Variants in GPR137B observed in about 807,000 individuals in gnomAD.
GPR137B encodes integral membrane protein GPR137B.
A neutral mutation model predicts 42.5 loss-of-function variants in GPR137B; 42 were observed. The observed-to-expected ratio is 0.99, with a 90% CI of 0.77 to 1.28. The LOEUF (loss-of-function observed/expected upper bound fraction) is 1.28, where lower values mean the gene tolerates loss of function less well. Among genes scored for constraint, GPR137B ranks in the 50% most tolerant of loss-of-function variants. The pLI, the probability that GPR137B is intolerant of heterozygous loss-of-function variation, is 0.00. For missense variants in GPR137B, 487 were observed against 493.9 expected (o/e 0.99, Z 0.13); for synonymous variants, 218 against 209.7 (o/e 1.04, Z -0.34).
At position 236,155,793 on chromosome 1, in the gene GPR137B, A is replaced by C. The variant is rs1662006226; in HGVS notation, c.414+12757A>C. 2.0e-5 allele frequency among the ~76,000 whole-genome samples: 3 copies of C among 152,152 alleles called. No individual in the cohort carries two copies. The South Asian group carries it at 6.2e-4, about 32-fold the overall frequency. ...AGAAGAGGAGCTGTTGGGAAGGGGG[A>C]CAGTGAGTGGAGATGCCCTTTATCT... On this transcript the variant is annotated intron_variant, in intron 1 of 6. Coordinates refer to ENST00000366592, the MANE Select transcript of GPR137B (RefSeq NM_003272.4). The surrounding 1 kb of genome is among the most constrained non-coding windows in gnomAD (Gnocchi z 4.6).
chr1:236,158,284 G>A (rs971050659), intron 1 of GPR137B, among the ~76,000 whole-genome samples: 2 of 152,200 alleles, frequency 1.3e-5, no homozygotes, highest in Admixed American at 6.5e-5. Context: ...GATTTGCCGG[G>A]TGTGGTTGCA....
intron 5 of GPR137B, among the ~76,000 whole-genome samples, chr1:236,196,807 G>A (rs1475805408): frequency 1.3e-5 from 2 of 152,144 alleles, no homozygotes; most frequent in African/African-American, 4.8e-5. Flanking sequence ...TTATGGCTGA[G>A]TAGTAGTCCA....
chr1:236,196,092 A>C (rs1663323847), intron 5 of GPR137B, among the ~76,000 whole-genome samples: 1 of 151,308 alleles, frequency 6.6e-6, no homozygotes, highest in Non-Finnish European at 1.5e-5. Context: ...CTATTTTTCC[A>C]TTTTGCTTTG....
At position 236,178,016 on chromosome 1, in the gene GPR137B, G is replaced by C. The variant is rs910558660; in HGVS notation, c.465-398G>C. ...TATGTAGTCTTATTTTCAAGTGATG[G>C]AACCAAGGCTCAAGAGGTTGCATTT... On this transcript the variant is annotated intron_variant, in intron 2 of 6. Transcript: ENST00000366592. Among the ~76,000 whole-genome samples, 44 of 152,092 alleles carry C rather than the reference G, an allele frequency of 2.9e-4. 1 individual carries two copies. Among genetic ancestry groups the C allele is most frequent in the Non-Finnish European group, 6.0e-4 (41 of 68,028 alleles).
chr1:236,175,037 A>T (rs1191605082), intron 2 of GPR137B, among the ~76,000 whole-genome samples: 1 of 152,040 alleles, frequency 6.6e-6, no homozygotes, highest in African/African-American at 2.4e-5. Flanking sequence ...TTTCTGAGGA[A>T]GAGTGTAGGC....
chr1:236,205,542 A>G (rs1297607654), intron 6 of GPR137B, among the ~76,000 whole-genome samples: 1 of 152,068 alleles, frequency 6.6e-6, no homozygotes, highest in Non-Finnish European at 1.5e-5. Flanking sequence ...ATGATAATCA[A>G]CTTTTTTATT....
chr1:236,154,411 T>C (rs1661955037), intron 1 of GPR137B, among the ~76,000 whole-genome samples: 1 of 152,022 alleles, frequency 6.6e-6, no homozygotes, highest in African/African-American at 2.4e-5. Context: ...TGGGGTCAGC[T>C]AGTCCCAGTT....
intron 5 of GPR137B, among the ~76,000 whole-genome samples, chr1:236,186,127 TA>T: frequency 6.9e-6 from 1 of 144,948 alleles, no homozygotes; most frequent in Admixed American, 7.4e-5. Flanking sequence ...TATTGCCAAA[TA>T]AATATTTCAT....
chr1:236,149,422 G>T (rs1009342034), intron 1 of GPR137B, among the ~76,000 whole-genome samples: 13 of 152,184 alleles, frequency 8.5e-5, no homozygotes, highest in Admixed American at 7.9e-4. Flanking sequence ...TGCTACAGAC[G>T]CCACACTCTG....
At chr1:236,198,365 T>G (rs73122976) in intron 5 of GPR137B, among the ~76,000 whole-genome samples, 3,101 of 152,026 alleles carry the variant, frequency 0.02, 108 homozygotes, top group African/African-American at 0.069. Flanking sequence ...CCACCACACC[T>G]GGCTAACTTT....
chr1:236,155,560 G>A lies in GPR137B; in HGVS notation c.414+12524G>A, dbSNP rs191212396. ...GTGCTCTCTAGAGTCCCGTCTCCTC[G>A]CGGGCTGCCTGCTGGGCTGACTTAT... On this transcript the variant is annotated intron_variant, in intron 1 of 6. Coordinates refer to ENST00000366592, the MANE Select transcript of GPR137B (RefSeq NM_003272.4). The surrounding 1 kb of genome is among the most constrained non-coding windows in gnomAD (Gnocchi z 4.6). 6.6e-5 allele frequency among the ~76,000 whole-genome samples: 10 copies of A among 152,202 alleles called. No individual in the cohort carries two copies. Among genetic ancestry groups the A allele is most frequent in the African/African-American group, 1.7e-4 (7 of 41,542 alleles).
chr1:236,175,354 T>G (rs1199749434), intron 2 of GPR137B, among the ~76,000 whole-genome samples: 1 of 151,832 alleles, frequency 6.6e-6, no homozygotes, highest in East Asian at 1.9e-4. Flanking sequence ...TGGAGGAAAA[T>G]CCGTACATAA....
Position 236,205,261 on chromosome 1 carries a change from A to G in GPR137B, c.1091+11A>G. On this transcript the variant is annotated intron_variant, in intron 6 of 6. Coordinates refer to ENST00000366592, the MANE Select transcript of GPR137B (RefSeq NM_003272.4). ...GGGACTTCAGGGAGGGTAAGACCCTACTTCATGTTAGACAAGCCTCATCAG... is the reference window on the plus strand; with the variant it reads ...GGGACTTCAGGGAGGGTAAGACCCTGCTTCATGTTAGACAAGCCTCATCAG... The G allele has an allele frequency of 9.4e-6, 15 of 1,604,278 alleles. No individual in the cohort carries two copies. Among genetic ancestry groups the G allele is most frequent in the Non-Finnish European group, 1.2e-5 (14 of 1,171,908 alleles).
rs187675499 is a variant in GPR137B at position 236,155,821 on chromosome 1, A to G, written c.414+12785A>G. On this transcript the variant is annotated intron_variant, in intron 1 of 6. Coordinates refer to ENST00000366592, the MANE Select transcript of GPR137B (RefSeq NM_003272.4). The surrounding 1 kb of genome is among the most constrained non-coding windows in gnomAD (Gnocchi z 4.6). ...GTGAGTGGAGATGCCCTTTATCTAT[A>G]AAGGTAAAGACTGTTATCCCATTAT... is the stretch of plus-strand genomic sequence containing the variant. Among the ~76,000 whole-genome samples, 1,238 of 152,248 alleles carry G rather than the reference A, an allele frequency of 8.1e-3. 11 individuals carry two copies. The highest frequency in any genetic ancestry group is 9.5e-3 in the Non-Finnish European group (649 of 68,010).
intron 1 of GPR137B, among the ~76,000 whole-genome samples, chr1:236,164,040 CCCCCATGCCTCTCCACACCT>C (rs1457668369): frequency 1.3e-5 from 2 of 151,874 alleles, no homozygotes; most frequent in South Asian, 2.1e-4. Flanking sequence ...CTCCTCACAG[CCCCCATGCCTCTCCACACCT>C]CCCCATGCCT....
At chr1:236,144,218 C>T (rs898371571) in intron 1 of GPR137B, among the ~76,000 whole-genome samples, 1 of 152,010 alleles carries the variant, frequency 6.6e-6, no homozygotes, top group Admixed American at 6.5e-5. Context: ...AGTTTGAGAC[C>T]GGCCTGGGCA....
At position 236,178,465 on chromosome 1, in the gene GPR137B, G is replaced by A; in HGVS notation, c.516G>A (p.Val172=). 1 of 1,613,916 alleles carries A rather than the reference G, an allele frequency of 6.2e-7. No individual in the cohort carries two copies. Reference sequence around the variant, plus strand: ...TCATCAGCCTTGTTTTCCTGTTGGTGAATTTAACCTGTGCTGTGCTGGTAA... The same window carrying A: ...TCATCAGCCTTGTTTTCCTGTTGGTAAATTTAACCTGTGCTGTGCTGGTAA... ...SLFISLVFLL[V]NLTCAVLVKT... The change falls in exon 3 of 7, where the codon GTG becomes GTA. Residue 172 remains valine, a synonymous_variant. Transcript: ENST00000366592.
chr1:236,178,973 A>C (rs1384470016), intron 3 of GPR137B, among the ~76,000 whole-genome samples: 4 of 150,530 alleles, frequency 2.7e-5, no homozygotes, highest in Non-Finnish European at 5.9e-5. Flanking sequence ...AATTTTTTGT[A>C]TTTTTAGTAG....
In GPR137B at chr1:236,178,429, G is replaced by C. The variant is rs1662754126; in HGVS notation, c.480G>C (p.Leu160=). 3.7e-6 allele frequency: 6 copies of C among 1,613,008 alleles called. No individual in the cohort carries two copies. The highest frequency in any genetic ancestry group is 4.2e-6 in the Non-Finnish European group (5 of 1,179,428). The change falls in exon 3 of 7, where the codon CTG becomes CTC. Residue 160 remains leucine (L), a synonymous_variant. Transcript: ENST00000366592. The part of the protein sequence containing the change: ...ELLKYRLPLY[L]ASLFISLVFL... ...TGCCTTCCAGGTTGCCCCTCTACCT[G>C]GCCTCCCTCTTCATCAGCCTTGTTT...
Sources: allele counts gnomAD v4.1 joint callset (sites outside exome capture counted in the v4.1 genomes callset), GRCh38; gene constraint gnomAD v4.1.1; non-coding constraint Gnocchi (gnomAD v3.1); transcripts MANE v1.5; gene names NCBI Gene and HGNC (gene_info 2026-07-23, HGNC 2026-07-21).